Variants in ABLIM1 observed in about 807,000 individuals in gnomAD.
ABLIM1 encodes the protein actin-binding LIM protein 1.
A neutral mutation model predicts 107.0 loss-of-function variants in ABLIM1; 40 were observed. The observed-to-expected ratio is 0.37, with a 90% CI of 0.29 to 0.49. The LOEUF (loss-of-function observed/expected upper bound fraction) is 0.49. Among genes scored for constraint, ABLIM1 ranks in the 20% least tolerant of loss-of-function variants. The pLI, the probability that ABLIM1 is intolerant of heterozygous loss-of-function variation, is 0.97. For missense variants in ABLIM1, 857 were observed against 1,008.5 expected (o/e 0.85, Z 2.04); for synonymous variants, 357 against 357.3 (o/e 1.00, Z 0.01).
At chr10:114,701,610 A>G (rs2081309282) in intron 1 of ABLIM1, among the ~76,000 whole-genome samples, 1 of 152,182 alleles carries the variant, frequency 6.6e-6, no homozygotes, top group South Asian at 2.1e-4. Context: ...TCCCATACAC[A>G]ACAAAATGGA....
intron 6 of ABLIM1, among the ~76,000 whole-genome samples, chr10:114,536,789 G>A (rs1476621143): frequency 2.0e-5 from 3 of 152,170 alleles, no homozygotes; most frequent in South Asian, 2.1e-4. Context: ...TGTCCATTGA[G>A]CTGCAGAGTC....
At chr10:114,493,402 A>G (rs2059263185) in intron 6 of ABLIM1, among the ~76,000 whole-genome samples, 1 of 152,204 alleles carries the variant, frequency 6.6e-6, no homozygotes, top group South Asian at 2.1e-4. Context: ...AAATAGAAAG[A>G]AATGTCTTCA....
chr10:114,560,751 A>G (rs1461527110), intron 4 of ABLIM1, among the ~76,000 whole-genome samples: 1 of 152,204 alleles, frequency 6.6e-6, no homozygotes, highest in African/African-American at 2.4e-5. Flanking sequence ...CTTAAAAATC[A>G]TGATACTAAA....
chr10:114,709,920 C>T (rs2081510451), intron 1 of ABLIM1, among the ~76,000 whole-genome samples: 1 of 152,166 alleles, frequency 6.6e-6, no homozygotes, highest in Non-Finnish European at 1.5e-5. Context: ...ACAGGGTTCT[C>T]AAACTTACAT....
intron 4 of ABLIM1, among the ~76,000 whole-genome samples, chr10:114,552,139 C>A (rs1275106759): frequency 1.3e-5 from 2 of 152,190 alleles, no homozygotes; most frequent in Non-Finnish European, 2.9e-5. Flanking sequence ...CCTACCCACT[C>A]CTGTCTGGAC....
chr10:114,679,635 CAAAAAAA>C (rs757677426), intron 1 of ABLIM1, among the ~76,000 whole-genome samples: 9 of 86,316 alleles, frequency 1.0e-4, no homozygotes, highest in South Asian at 9.0e-4. Context: ...AACTCCGTCT[CAAAAAAA>C]AAAAAAAAAA....
intron 3 of ABLIM1, among the ~76,000 whole-genome samples, chr10:114,572,059 C>T (rs186138219): frequency 3.7e-4 from 57 of 152,334 alleles, no homozygotes; most frequent in South Asian, 2.1e-4. Context: ...AATAGCAGCA[C>T]ATTTTGCAAA....
chr10:114,685,599 G>T (rs1409334690), upstream of ABLIM1, among the ~76,000 whole-genome samples: 2 of 152,126 alleles, frequency 1.3e-5, no homozygotes, highest in Non-Finnish European at 2.9e-5. Flanking sequence ...GGAACTTGGT[G>T]CCTCTGATAA....
chr10:114,725,743 G>A (rs1380839691), intron 1 of ABLIM1, among the ~76,000 whole-genome samples: 1 of 148,094 alleles, frequency 6.8e-6, no homozygotes, highest in Non-Finnish European at 1.5e-5. Context: ...AAATGTGTGT[G>A]TGTGTGTGTG....
At position 114,602,466 on chromosome 10, in the gene ABLIM1, A is replaced by G. The variant is rs75413144; in HGVS notation, c.245-505T>C. Among the ~76,000 whole-genome samples the G allele has an allele frequency of 3.9e-3, 587 of 152,310 alleles. 21 individuals are homozygous for G. In the East Asian group the frequency reaches 0.096, roughly 25 times the overall value. On this transcript the variant is annotated intron_variant, in intron 1 of 22. Coordinates refer to ENST00000533213, the MANE Select transcript of ABLIM1 (RefSeq NM_002313.7). ...GAATGTTCATGTAGCAAAGGTGCTC[A>G]GTAAATGTTTCTTTACGTATTAATT...
intron 1 of ABLIM1, among the ~76,000 whole-genome samples, chr10:114,713,848 G>T (rs1218701843): frequency 6.6e-6 from 1 of 152,164 alleles, no homozygotes; most frequent in Non-Finnish European, 1.5e-5. Flanking sequence ...AGAACATCGT[G>T]CCTCCTCACT....
upstream of ABLIM1, among the ~76,000 whole-genome samples, chr10:114,659,495 C>A (rs999352966): frequency 1.3e-5 from 2 of 151,930 alleles, no homozygotes; most frequent in Middle Eastern, 3.2e-3. Context: ...CCTAGGTGAC[C>A]GGGCAAGACT....
chr10:114,667,369 T>C (rs570997444), intron 1 of ABLIM1, among the ~76,000 whole-genome samples: 1 of 152,344 alleles, frequency 6.6e-6, no homozygotes, highest in African/African-American at 2.4e-5. Context: ...TGTTTCCTAA[T>C]AACAAATACA....
chr10:114,473,184 G>GA (rs1565457501), intron 9 of ABLIM1, 52 bp from the exon 10 acceptor site: 1 of 1,529,578 alleles, frequency 6.5e-7, no homozygotes, highest in Non-Finnish European at 8.8e-7. Context: ...ACTGCTTTAG[G>GA]AAACTGTAGT....
intron 1 of ABLIM1, among the ~76,000 whole-genome samples, chr10:114,653,474 G>A (rs2079348450): frequency 6.6e-6 from 1 of 152,142 alleles, no homozygotes; most frequent in Non-Finnish European, 1.5e-5. Flanking sequence ...AGCTCAAGAG[G>A]TGAAGGCTGA....
At chr10:114,640,225 G>A (rs1034952561) in intron 1 of ABLIM1, among the ~76,000 whole-genome samples, 3 of 152,210 alleles carry the variant, frequency 2.0e-5, no homozygotes, top group African/African-American at 7.2e-5. Context: ...GTATCAAGAA[G>A]TGAAATGAAA....
chr10:114,442,062 C>A, intron 17 of ABLIM1, among the ~76,000 whole-genome samples: 1 of 152,138 alleles, frequency 6.6e-6, no homozygotes, highest in East Asian at 1.9e-4. Context: ...AAGTGTTCAG[C>A]ATGCTTTATT....
chr10:114,533,712 G>A (rs1038091656), intron 6 of ABLIM1, among the ~76,000 whole-genome samples: 1 of 152,124 alleles, frequency 6.6e-6, no homozygotes, highest in South Asian at 2.1e-4. Flanking sequence ...TGTCCCCCAG[G>A]CTGGAGTGCA....
intron 8 of ABLIM1, among the ~76,000 whole-genome samples, chr10:114,477,777 G>T (rs750717241): frequency 6.6e-6 from 1 of 152,026 alleles, no homozygotes; most frequent in African/African-American, 2.4e-5. Context: ...AGCCTGGAGT[G>T]CAGTGGCATG....
Sources: gnomAD v4.1 joint callset for allele counts (sites outside exome capture counted in the v4.1 genomes callset) on GRCh38, gnomAD v4.1.1 for gene constraint, MANE v1.5 for transcripts, NCBI Gene and HGNC (gene_info 2026-07-23, HGNC 2026-07-21) for gene names.